The following GLRA3 variants were observed in gnomAD, a reference collection of about 807,000 sequenced individuals.
GLRA3 encodes glycine receptor alpha 3, also known as glycine receptor subunit alpha-3.
In GLRA3, 44 loss-of-function variants were observed where a neutral mutation model predicts 60.4. The observed-to-expected ratio is 0.73, with a 90% confidence interval of 0.57 to 0.94. The LOEUF is 0.94. Among genes scored for constraint, GLRA3 ranks in the 40% least tolerant of loss-of-function variants. GLRA3 has a pLI of 0.00. For synonymous variants in GLRA3, 223 were observed against 192.9 expected, an observed-to-expected ratio of 1.16 and a Z score of -1.29; for missense variants, 508 against 564.6, an observed-to-expected ratio of 0.90 and a Z score of 1.02.
chr4:174,807,905 A>G (rs1315805692), intron 1 of GLRA3, among the ~76,000 whole-genome samples: 1 of 152,160 alleles, frequency 6.6e-6, no homozygotes, highest in Non-Finnish European at 1.5e-5. Flanking sequence ...TAGCAAAATG[A>G]GGAAATAGAC....
At chr4:174,703,802 G>A (rs1485267346) in intron 5 of GLRA3, among the ~76,000 whole-genome samples, 1 of 152,144 alleles carries the variant, frequency 6.6e-6, no homozygotes, top group Non-Finnish European at 1.5e-5. Context: ...TGAAGGGTAT[G>A]TTTTCTGAAT....
chr4:174,796,600 G>T lies in GLRA3; in HGVS notation c.72-7657C>A, dbSNP rs114074538. Among the ~76,000 whole-genome samples the T allele has an allele frequency of 5.8e-3, 882 of 151,632 alleles. 2 individuals are homozygous for T. The highest frequency in any genetic ancestry group is 9.4e-3 in the Non-Finnish European group (638 of 67,884). Reference sequence around the variant, plus strand: ...TCACCAGGCTGGAGTGCAGAGGCGCGATCTTGGCTGACTGAAACCTCCGCC... The same window carrying T: ...TCACCAGGCTGGAGTGCAGAGGCGCTATCTTGGCTGACTGAAACCTCCGCC... On this transcript the variant is annotated intron_variant, in intron 1 of 9. Coordinates refer to ENST00000274093, the MANE Select transcript of GLRA3 (RefSeq NM_006529.4).
chr4:174,822,682 T>C (rs1360950434), intron 1 of GLRA3, among the ~76,000 whole-genome samples: 2 of 152,188 alleles, frequency 1.3e-5, no homozygotes, highest in Non-Finnish European at 1.5e-5. Flanking sequence ...ATCAGAAATA[T>C]ATCAGGGTTT....
Position 174,639,403 on chromosome 4 carries a change from TGTGTGTGAAA to T in GLRA3, c.*4373_*4382del, listed in dbSNP as rs1284009074. 8.0e-6 allele frequency: 1 copy of T among 124,658 alleles called. No individual in the cohort carries two copies. Among genetic ancestry groups the T allele is most frequent in the African/African-American group, 3.1e-5 (1 of 32,184 alleles). The allele number at this position is 124,658 out of a possible 1,614,324, so 7.7% of individuals were successfully genotyped here. On this transcript the variant is annotated 3_prime_UTR_variant, in exon 10 of 10. Transcript: ENST00000274093. ...GTGTGTGTGTGTGTGTGTGTGTGTG[TGTGTGTGAAA>T]GAGAGAGAGAGAGAGGGAAAGGGAA...
At chr4:174,684,602 C>T (rs34034708) in intron 5 of GLRA3, among the ~76,000 whole-genome samples, 54,808 of 152,072 alleles carry the variant, frequency 0.36, 10,451 homozygotes, top group Middle Eastern at 0.46. Context: ...GTGAATGAGA[C>T]CTGTGAGGCA....
At chr4:174,732,587 G>A (rs1432438759) in intron 3 of GLRA3, among the ~76,000 whole-genome samples, 3 of 151,960 alleles carry the variant, frequency 2.0e-5, no homozygotes, top group Non-Finnish European at 2.9e-5. Flanking sequence ...AGAAAAATGC[G>A]TAATAAACTG....
intron 2 of GLRA3, among the ~76,000 whole-genome samples, chr4:174,788,391 C>T (rs1395012291): frequency 6.6e-6 from 1 of 151,822 alleles, no homozygotes; most frequent in Non-Finnish European, 1.5e-5. Context: ...TAGGTAAATT[C>T]AACAACGGTT....
At chr4:174,657,176 G>A (rs1733241760) in intron 8 of GLRA3, among the ~76,000 whole-genome samples, 1 of 152,124 alleles carries the variant, frequency 6.6e-6, no homozygotes, top group African/African-American at 2.4e-5. Flanking sequence ...ACTTTTACAT[G>A]TGGTAAAACT....
At chr4:174,668,230 AC>A in intron 7 of GLRA3, among the ~76,000 whole-genome samples, 1 of 152,126 alleles carries the variant, frequency 6.6e-6, no homozygotes, top group East Asian at 1.9e-4. Context: ...TTTATAAATT[AC>A]CCAGTCTCAG....
chr4:174,706,617 A>T (rs540553067), intron 5 of GLRA3, among the ~76,000 whole-genome samples: 2 of 152,216 alleles, frequency 1.3e-5, no homozygotes, highest in African/African-American at 4.8e-5. Context: ...CTCGGGTTCT[A>T]TAAGAATAGA....
intron 7 of GLRA3, among the ~76,000 whole-genome samples, chr4:174,673,249 G>A (rs1733978822): frequency 6.6e-6 from 1 of 152,106 alleles, no homozygotes; most frequent in South Asian, 2.1e-4. Flanking sequence ...AGTACTCAGA[G>A]TTTACAAATT....
intron 5 of GLRA3, among the ~76,000 whole-genome samples, chr4:174,691,438 C>G (rs370503291): frequency 6.6e-6 from 1 of 152,166 alleles, no homozygotes; most frequent in Non-Finnish European, 1.5e-5. Context: ...CTCTGATGCC[C>G]AGCCAAAGCT....
In GLRA3 at chr4:174,643,093, C is replaced by G; in HGVS notation, c.*693G>C. 36 of 931,818 alleles carry G rather than the reference C, an allele frequency of 3.9e-5. No individual in the cohort carries two copies. Among genetic ancestry groups the G allele is most frequent in the Non-Finnish European group, 4.5e-5 (35 of 782,330 alleles). 57.7% of individuals were successfully genotyped at this position (931,818 alleles called of 1,614,324 possible). On this transcript the variant is annotated 3_prime_UTR_variant, in exon 10 of 10. Coordinates refer to ENST00000274093, the MANE Select transcript of GLRA3 (RefSeq NM_006529.4). ...AAGTTGTTTCCCGTATTTCCACCTT[C>G]GTTCCTAGAGATACAAAGTTTAAGA...
chr4:174,757,722 T>C (rs1737775098), intron 3 of GLRA3, among the ~76,000 whole-genome samples: 1 of 152,198 alleles, frequency 6.6e-6, no homozygotes, highest in African/African-American at 2.4e-5. Flanking sequence ...TCAAATAATA[T>C]GCAGAAATGG....
chr4:174,642,184 A>G lies in GLRA3; in HGVS notation c.*1602T>C. On this transcript the variant is annotated 3_prime_UTR_variant, in exon 10 of 10. Coordinates refer to ENST00000274093, the MANE Select transcript of GLRA3 (RefSeq NM_006529.4). ...TAAAATGTTATTTTAAAAAATTACA[A>G]TTGTATAAGCTGATGTACAATAACA... 1.2e-6 allele frequency: 1 copy of G among 863,456 alleles called. No homozygotes were observed. The highest frequency in any genetic ancestry group is 6.0e-4 in the Middle Eastern group (1 of 1,672). 53.5% of individuals were successfully genotyped at this position (863,456 alleles called of 1,614,324 possible). A position where few individuals can be genotyped will look rare whatever the true frequency, so the allele number is the denominator to read the frequency against.
At chr4:174,816,976 TG>T (rs1337061505) in intron 1 of GLRA3, among the ~76,000 whole-genome samples, 9 of 152,178 alleles carry the variant, frequency 5.9e-5, no homozygotes, top group Non-Finnish European at 2.9e-5. Flanking sequence ...ACTTCTTTAG[TG>T]ATATTTCTGA....
At chr4:174,722,696 A>C (rs1736175940) in intron 4 of GLRA3, 1 of 164,322 alleles carries the variant, frequency 6.1e-6, no homozygotes, top group Admixed American at 6.5e-5. Flanking sequence ...ATGTAAGTTC[A>C]ATTAGTCGTC....
At chr4:174,809,730 C>T (rs1740188617) in intron 1 of GLRA3, among the ~76,000 whole-genome samples, 3 of 151,912 alleles carry the variant, frequency 2.0e-5, no homozygotes, top group Non-Finnish European at 2.9e-5. Flanking sequence ...GACACTGTGT[C>T]TCAAAATTAA....
chr4:174,803,664 T>C (rs1022060047), intron 1 of GLRA3, among the ~76,000 whole-genome samples: 1 of 152,306 alleles, frequency 6.6e-6, no homozygotes, highest in Non-Finnish European at 1.5e-5. Context: ...GAAATTTGGC[T>C]TTTTCATTGA....
Sources: allele counts gnomAD v4.1 joint callset (sites outside exome capture counted in the v4.1 genomes callset), GRCh38; gene constraint gnomAD v4.1.1; transcripts MANE v1.5; gene names NCBI Gene and HGNC (gene_info 2026-07-23, HGNC 2026-07-21).